PCDHA5: variants seen among roughly 807,000 people sequenced by gnomAD.
The protein encoded by PCDHA5 is protocadherin alpha-5.
A neutral mutation model predicts 61.6 loss-of-function variants in PCDHA5; 43 were observed. The ratio of observed to expected loss-of-function variants is 0.70; its 90% CI spans 0.55 to 0.90. The LOEUF (loss-of-function observed/expected upper bound fraction) is 0.90. Among genes scored for constraint, PCDHA5 ranks in the 40% least tolerant of loss-of-function variants. The pLI is 0.00. For missense variants in PCDHA5, 1,298 were observed against 1,222.7 expected, an observed-to-expected ratio of 1.06 and a Z score of -0.92; for synonymous variants, 627 against 543.9, an observed-to-expected ratio of 1.15 and a Z score of -2.13.
Position 140,877,150 on chromosome 5 carries a change from G to C in PCDHA5, c.2352+53023G>C, listed in dbSNP as rs370292278. On this transcript the variant is annotated intron_variant, in intron 1 of 3. Transcript: ENST00000529859. ...GCAGGTGTTCGTGCTGGACGAGAAC[G>C]ACAACGCGCCGGCACTGCTGGCGAC... 1 of 1,613,790 alleles carries C rather than the reference G, an allele frequency of 6.2e-7. No individual in the cohort carries two copies. The highest frequency in any genetic ancestry group is 2.2e-5 in the East Asian group (1 of 44,870).
intron 1 of PCDHA5, chr5:140,967,401 G>T (rs374310490): frequency 1.2e-6 from 2 of 1,611,944 alleles, no homozygotes; most frequent in Non-Finnish European, 1.7e-6. Flanking sequence ...CTGGTGCTGC[G>T]TAAGGGCCTA....
At chr5:140,885,131 CT>C (rs1162868700) in intron 1 of PCDHA5, among the ~76,000 whole-genome samples, 1 of 152,024 alleles carries the variant, frequency 6.6e-6, no homozygotes, top group Non-Finnish European at 1.5e-5. Flanking sequence ...TTCTTTCTTT[CT>C]TTTTTTAAAC....
At chr5:140,828,417 T>C (rs2150155099) in intron 1 of PCDHA5, 1 of 1,614,214 alleles carries the variant, frequency 6.2e-7, no homozygotes, top group South Asian at 1.1e-5. Context: ...CTGGAGGTGA[T>C]CGTGGACAGG....
intron 1 of PCDHA5, chr5:140,927,020 T>G: frequency 6.2e-7 from 1 of 1,612,524 alleles, no homozygotes; most frequent in Non-Finnish European, 8.5e-7. Flanking sequence ...TCCGCGGACT[T>G]GAGGCTGCCA....
At chr5:140,848,356 A>T in intron 1 of PCDHA5, 1 of 1,038,310 alleles carries the variant, frequency 9.6e-7, no homozygotes, top group Non-Finnish European at 1.4e-6. Flanking sequence ...CCCTTTTCCC[A>T]TGGGAAAGAG....
At position 140,841,167 on chromosome 5, in the gene PCDHA5, G is replaced by A. The variant is rs1003651834; in HGVS notation, c.2352+17040G>A. On this transcript the variant is annotated intron_variant, in intron 1 of 3. Coordinates refer to ENST00000529859, the MANE Select transcript of PCDHA5 (RefSeq NM_018908.3). ...ATGTCGCTGTCTACCAAGAAGTTCTGGTTGGTCAATGTTCAAAGTCTTTTC... is the reference window on the plus strand; with the variant it reads ...ATGTCGCTGTCTACCAAGAAGTTCTAGTTGGTCAATGTTCAAAGTCTTTTC... 13 of 954,538 alleles carry A rather than the reference G, an allele frequency of 1.4e-5. 1 individual carries two copies. In the South Asian group the frequency reaches 1.6e-4, roughly 12 times the overall value. 59.1% of individuals were successfully genotyped at this position (954,538 alleles called of 1,614,324 possible). A position where few individuals can be genotyped will look rare whatever the true frequency, so the allele number is the denominator to read the frequency against.
At chr5:141,000,415 A>ATT (rs1563651650) in intron 3 of PCDHA5, among the ~76,000 whole-genome samples, 4 of 87,388 alleles carry the variant, frequency 4.6e-5, no homozygotes, top group African/African-American at 1.5e-4. Flanking sequence ...ATATATATAT[A>ATT]TATATATTTT....
At position 140,894,520 on chromosome 5, in the gene PCDHA5, C is replaced by T. The variant is rs377646516; in HGVS notation, c.2352+70393C>T. On this transcript the variant is annotated intron_variant, in intron 1 of 3. Coordinates refer to ENST00000529859, the MANE Select transcript of PCDHA5 (RefSeq NM_018908.3). ...AGGCATTATCCATAGTGTTTATATG[C>T]TGTTATGTGCCTTCTGGTTTAGTGT... is the stretch of plus-strand genomic sequence containing the variant. Among the ~76,000 whole-genome samples, 12 of 151,842 alleles carry T rather than the reference C, an allele frequency of 7.9e-5. No homozygotes were observed. In the East Asian group the frequency reaches 1.9e-3, roughly 24 times the overall value.
In PCDHA5 at chr5:140,834,300, C is replaced by A. The variant is rs111598234; in HGVS notation, c.2352+10173C>A. 3,027 of 1,283,790 alleles carry A rather than the reference C, an allele frequency of 2.4e-3. 46 individuals carry two copies. The African/African-American group carries it at 0.039, about 17-fold the overall frequency. 79.5% of individuals were successfully genotyped at this position (1,283,790 alleles called of 1,614,324 possible). On this transcript the variant is annotated intron_variant, in intron 1 of 3. Transcript: ENST00000529859. ...TGGATGCACAACAATGGCCACACATCGAGATTGAAATGAAGGGATAAAAAC... is the reference window on the plus strand; with the variant it reads ...TGGATGCACAACAATGGCCACACATAGAGATTGAAATGAAGGGATAAAAAC...
rs555714516 is a variant in PCDHA5, at chr5:140,983,025, A to T, written c.2500+462A>T. Among the ~76,000 whole-genome samples the T allele has an allele frequency of 9.9e-5, 15 of 151,964 alleles. 1 individual carries two copies. The South Asian group carries it at 2.9e-3, about 29-fold the overall frequency. ...AAGAAAAAGGAAGGAAGGAAGGAAG[A>T]TGGTTTCTCATGGAAGTGGAAAATT... On this transcript the variant is annotated intron_variant, in intron 3 of 3. Coordinates refer to ENST00000529859, the MANE Select transcript of PCDHA5 (RefSeq NM_018908.3).
rs782592420 is a variant in PCDHA5, at chr5:140,869,527, A to G, written c.2352+45400A>G. The G allele has an allele frequency of 1.2e-6, 2 of 1,614,186 alleles. No individual in the cohort carries two copies. Among genetic ancestry groups the G allele is most frequent in the African/African-American group, 2.7e-5 (2 of 75,038 alleles). On this transcript the variant is annotated intron_variant, in intron 1 of 3. Coordinates refer to ENST00000529859, the MANE Select transcript of PCDHA5 (RefSeq NM_018908.3). ...CTCGCTCAGAGAACAAAAGCTGCTG[A>G]TTGCGGAATCTAAGCAATCGGACTC...
chr5:140,854,159 CAAA>C (rs59855104), intron 1 of PCDHA5: 332 of 340,956 alleles, frequency 9.7e-4, no homozygotes, highest in Non-Finnish European at 1.1e-3. Context: ...GATTCTGTCT[CAAA>C]AAAAAAAAAA....
chr5:140,862,165 T>C (rs1003648198), intron 1 of PCDHA5: 39 of 164,612 alleles, frequency 2.4e-4, no homozygotes, highest in Non-Finnish European at 2.3e-4. Context: ...AAGATTCAAA[T>C]ACAGGCAGTT....
chr5:140,858,188 C>T, intron 1 of PCDHA5: 1 of 1,597,268 alleles, frequency 6.3e-7, no homozygotes, highest in Non-Finnish European at 8.6e-7. Context: ...GCTCACGCTG[C>T]TGCTGTACAC....
At chr5:140,899,402 G>C (rs1465071147) in intron 1 of PCDHA5, among the ~76,000 whole-genome samples, 20 of 152,122 alleles carry the variant, frequency 1.3e-4, no homozygotes, top group East Asian at 7.7e-4. Flanking sequence ...TAGCATGAAG[G>C]GTTGTTGAAT....
rs2150224520 is a variant in PCDHA5 at position 140,834,696 on chromosome 5, C to T, written c.2352+10569C>T. 3 of 1,614,242 alleles carry T rather than the reference C, an allele frequency of 1.9e-6. No homozygotes were observed. In the South Asian group the frequency reaches 3.3e-5, roughly 18 times the overall value. On this transcript the variant is annotated intron_variant, in intron 1 of 3. Transcript: ENST00000529859. The stretch of plus-strand genomic sequence containing the variant: ...CGGGCGGAGCGCGGAGTGCAGCATC[C>T]ACCTGGAGGTGATCGTGGAAAGGCC...
intron 1 of PCDHA5, among the ~76,000 whole-genome samples, chr5:140,908,466 C>T (rs2073988233): frequency 6.6e-6 from 1 of 152,134 alleles, no homozygotes. Flanking sequence ...TCAGAAAGCA[C>T]CCAGTTCATG....
chr5:140,921,824 A>G (rs1554200461), intron 1 of PCDHA5, among the ~76,000 whole-genome samples: 1 of 152,172 alleles, frequency 6.6e-6, no homozygotes. Flanking sequence ...GTGAATATCT[A>G]TACACATATA....
At chr5:140,973,472 T>C (rs572763440) in intron 1 of PCDHA5, among the ~76,000 whole-genome samples, 3 of 152,220 alleles carry the variant, frequency 2.0e-5, no homozygotes, top group Non-Finnish European at 4.4e-5. Flanking sequence ...AGTTTGCAAA[T>C]TTCATATTGG....
Sources: allele counts gnomAD v4.1 joint callset (sites outside exome capture counted in the v4.1 genomes callset), GRCh38; gene constraint gnomAD v4.1.1; transcripts MANE v1.5; gene names NCBI Gene and HGNC (gene_info 2026-07-23, HGNC 2026-07-21).